The following NBAS variants were observed in gnomAD, a reference collection of about 807,000 sequenced individuals.
NBAS encodes the protein NBAS subunit of NRZ tethering complex.
In NBAS, 219 loss-of-function variants were observed where a neutral mutation model predicts 302.5. That is an observed-to-expected ratio of 0.72 (90% CI 0.65 to 0.81). The LOEUF (loss-of-function observed/expected upper bound fraction) is 0.81. Ranked by LOEUF, NBAS falls within the 30% of genes least tolerant of loss-of-function variation. NBAS has a pLI of 0.00. For missense variants in NBAS, 2,932 were observed against 2,841.6 expected (o/e 1.03, Z -0.72); for synonymous variants, 1,118 against 1,021.6 (o/e 1.09, Z -1.80).
chr2:15,150,901 G>C, the NBAS span, among the ~76,000 whole-genome samples: 5 of 152,156 alleles, frequency 3.3e-5, no homozygotes, highest in Non-Finnish European at 5.9e-5. Flanking sequence ...CTTACATTCA[G>C]ATTTCTTGTT....
chr2:14,927,210 C>T, the NBAS span, among the ~76,000 whole-genome samples: 13,190 of 152,218 alleles, frequency 0.087, 644 homozygotes, highest in African/African-American at 0.11. Flanking sequence ...TTTGGACTCG[C>T]CAAGCCTCCA....
At chr2:15,515,458 C>A (rs1197710189) in intron 9 of NBAS, among the ~76,000 whole-genome samples, 2 of 152,120 alleles carry the variant, frequency 1.3e-5, no homozygotes, top group African/African-American at 4.8e-5. Flanking sequence ...AAGGCAGAGG[C>A]TGCAGTAAGC....
intron 33 of NBAS, among the ~76,000 whole-genome samples, chr2:15,354,157 G>A (rs1558264256): frequency 6.6e-6 from 1 of 152,184 alleles, no homozygotes; most frequent in East Asian, 1.9e-4. Context: ...GTTGTTGAAG[G>A]AATTAAGTAA....
At chr2:15,082,552 C>T in the NBAS span, among the ~76,000 whole-genome samples, 1 of 152,170 alleles carries the variant, frequency 6.6e-6, no homozygotes, top group African/African-American at 2.4e-5. Flanking sequence ...GCTCCCAGCA[C>T]TCCTACTTGG....
At chr2:15,096,174 G>A in the NBAS span, among the ~76,000 whole-genome samples, 1 of 152,224 alleles carries the variant, frequency 6.6e-6, no homozygotes, top group African/African-American at 2.4e-5. Flanking sequence ...ACACAAGGCT[G>A]AACAGTTGTC....
At chr2:15,056,101 T>TTA in the NBAS span, among the ~76,000 whole-genome samples, 1 of 147,452 alleles carries the variant, frequency 6.8e-6, no homozygotes, top group African/African-American at 2.5e-5. Flanking sequence ...CTCCTGGAAG[T>TTA]AAAAAAAAAA....
chr2:14,820,879 C>T, the NBAS span, among the ~76,000 whole-genome samples: 10 of 152,002 alleles, frequency 6.6e-5, no homozygotes, highest in Non-Finnish European at 2.9e-5. Flanking sequence ...GTCAGCCACG[C>T]GAGCAGCTTC....
chr2:15,371,987 A>T (rs1674509793), intron 31 of NBAS, among the ~76,000 whole-genome samples: 1 of 152,228 alleles, frequency 6.6e-6, no homozygotes, highest in African/African-American at 2.4e-5. Flanking sequence ...ATAAATGAAC[A>T]GACATTCCTT....
chr2:15,114,062 C>A, the NBAS span, among the ~76,000 whole-genome samples: 1 of 152,070 alleles, frequency 6.6e-6, no homozygotes, highest in African/African-American at 2.4e-5. Context: ...TATTAAATTA[C>A]AGGAATCAAT....
chr2:15,206,250 T>C (rs1666137358), intron 48 of NBAS, among the ~76,000 whole-genome samples: 1 of 152,160 alleles, frequency 6.6e-6, no homozygotes, highest in African/African-American at 2.4e-5. Flanking sequence ...TTGAAAATGA[T>C]AATTTAGGGA....
chr2:15,255,563 T>C (rs1668554628), intron 44 of NBAS, among the ~76,000 whole-genome samples: 1 of 151,882 alleles, frequency 6.6e-6, no homozygotes, highest in African/African-American at 2.4e-5. Flanking sequence ...TTAGTTTAAT[T>C]AGGTACCATC....
At chr2:15,037,377 C>G in the NBAS span, among the ~76,000 whole-genome samples, 15 of 151,328 alleles carry the variant, frequency 9.9e-5, no homozygotes, top group African/African-American at 3.4e-4. Flanking sequence ...GGGGTACTAC[C>G]ACTGCCGACA....
the NBAS span, among the ~76,000 whole-genome samples, chr2:14,903,538 T>C: frequency 1.3e-5 from 2 of 152,196 alleles, no homozygotes; most frequent in Non-Finnish European, 2.9e-5. Context: ...GTACCTGTCA[T>C]TGGCCTTTCA....
chr2:15,179,542 A>G (rs1664723948), intron 50 of NBAS: 1 of 164,922 alleles, frequency 6.1e-6, no homozygotes, highest in Non-Finnish European at 1.3e-5. Context: ...AACGCTCAGC[A>G]TATAGTGGAG....
chr2:15,535,247 C>A (rs1014899822), intron 8 of NBAS, among the ~76,000 whole-genome samples: 2 of 152,120 alleles, frequency 1.3e-5, no homozygotes, highest in South Asian at 4.1e-4. Context: ...GTAGGCCAGG[C>A]GCAGTGGCTC....
At position 15,168,794 on chromosome 2, in the gene NBAS, T is replaced by G. The variant is rs369164092; in HGVS notation, c.6841-1471A>C. Among the ~76,000 whole-genome samples the G allele has an allele frequency of 1.3e-4, 20 of 152,332 alleles. No homozygotes were observed. In the East Asian group the frequency reaches 2.5e-3, roughly 19 times the overall value. ...ACAGGTGCATGGCACCACGCCTGGC[T>G]AATTTTTTGTATTTATTAGAGATGG... On this transcript the variant is annotated intron_variant, in intron 51 of 51. Coordinates refer to ENST00000281513, the MANE Select transcript of NBAS (RefSeq NM_015909.4).
chr2:15,383,183 T>TA (rs3834149), intron 29 of NBAS, 32 bp downstream of exon 29: 80 of 1,547,602 alleles, frequency 5.2e-5, no homozygotes, highest in Admixed American at 2.2e-4. Context: ...ATTGTTAAAT[T>TA]AAAAAAAAAT....
the NBAS span, among the ~76,000 whole-genome samples, chr2:14,826,006 A>G: frequency 8.5e-5 from 13 of 152,344 alleles, no homozygotes; most frequent in African/African-American, 2.6e-4. Context: ...CCAGGATTCA[A>G]ATAGGTTTGG....
chr2:15,020,705 T>C, the NBAS span, among the ~76,000 whole-genome samples: 3 of 152,212 alleles, frequency 2.0e-5, no homozygotes, highest in African/African-American at 4.8e-5. Context: ...TCCTCACAGC[T>C]AAGATATGAG....
Sources: gnomAD v4.1 joint callset for allele counts (sites outside exome capture counted in the v4.1 genomes callset) on GRCh38, gnomAD v4.1.1 for gene constraint, MANE v1.5 for transcripts, NCBI Gene and HGNC (gene_info 2026-07-23, HGNC 2026-07-21) for gene names.